MED27: variants seen among roughly 807,000 people sequenced by gnomAD.
MED27 encodes the protein mediator complex subunit 27, also known as mediator of RNA polymerase II transcription subunit 27.
MED27 carries 30 observed loss-of-function variants against 38.2 expected under a neutral mutation model. The observed-to-expected ratio is 0.79, with a 90% CI of 0.59 to 1.07. The LOEUF is 1.07. Among genes scored for constraint, MED27 ranks in the 50% least tolerant of loss-of-function variants. MED27 has a pLI of 0.00. For synonymous variants in MED27, 122 were observed against 153.5 expected (o/e 0.79, Z 1.52); for missense variants, 289 against 397.5 (o/e 0.73, Z 2.32).
intron 4 of MED27, among the ~76,000 whole-genome samples, chr9:131,935,160 G>A (rs555165512): frequency 6.6e-6 from 1 of 152,122 alleles, no homozygotes; most frequent in Non-Finnish European, 1.5e-5. Context: ...GTATTTGATA[G>A]CACAACAGGG....
chr9:131,930,605 G>A (rs1216132598), intron 4 of MED27, among the ~76,000 whole-genome samples: 1 of 152,090 alleles, frequency 6.6e-6, no homozygotes, highest in Admixed American at 6.5e-5. Context: ...TTTCCTATAA[G>A]GAATGCTAAA....
chr9:131,865,937 G>A (rs572131199), intron 6 of MED27, among the ~76,000 whole-genome samples: 25 of 152,332 alleles, frequency 1.6e-4, no homozygotes, highest in Admixed American at 1.6e-3. Context: ...ATCTCTGTGA[G>A]TGTGACCCTG....
At chr9:132,031,598 G>A (rs146771449) in intron 2 of MED27, among the ~76,000 whole-genome samples, 2 of 152,226 alleles carry the variant, frequency 1.3e-5, no homozygotes, top group Non-Finnish European at 2.9e-5. Flanking sequence ...TTGAGCCCAG[G>A]AGTTACAGTC....
intron 6 of MED27, among the ~76,000 whole-genome samples, chr9:131,875,863 G>A (rs1212425982): frequency 6.6e-6 from 1 of 152,170 alleles, no homozygotes; most frequent in African/African-American, 2.4e-5. Flanking sequence ...CTCTGCCTCG[G>A]CCTCCCAGAG....
intron 3 of MED27, among the ~76,000 whole-genome samples, chr9:131,957,081 G>C (rs887009770): frequency 6.6e-5 from 10 of 152,226 alleles, no homozygotes; most frequent in Non-Finnish European, 1.0e-4. Context: ...TTCGCTGCCG[G>C]TAGGAGTACA....
intron 5 of MED27, among the ~76,000 whole-genome samples, chr9:131,890,550 C>T (rs1038167509): frequency 1.3e-5 from 2 of 152,140 alleles, no homozygotes; most frequent in Admixed American, 1.3e-4. Context: ...CCTTTTAGTC[C>T]CCATTTCTCA....
chr9:132,030,571 C>T (rs888455765), intron 2 of MED27, among the ~76,000 whole-genome samples: 1 of 152,126 alleles, frequency 6.6e-6, no homozygotes, highest in African/African-American at 2.4e-5. Context: ...GACCCAGAGA[C>T]GTTATTACTC....
At chr9:131,972,272 A>G (rs372663615) in intron 3 of MED27, among the ~76,000 whole-genome samples, 76 of 152,288 alleles carry the variant, frequency 5.0e-4, no homozygotes, top group African/African-American at 1.7e-3. Context: ...CAAGTCCCCA[A>G]TACAAAATAG....
chr9:131,877,178 A>G lies in MED27; in HGVS notation c.723+6880T>C, dbSNP rs187388506. 1.7e-4 allele frequency among the ~76,000 whole-genome samples: 26 copies of G among 152,302 alleles called. No homozygotes were observed. The East Asian group carries it at 5.0e-3, about 29-fold the overall frequency. ...CTGAGGTCTTAGAACTTTTGTCACA[A>G]CCATGGCCTCTTCCAGGCCTTCATC... On this transcript the variant is annotated intron_variant, in intron 6 of 7. Transcript: ENST00000292035.
chr9:131,901,964 C>T (rs1239038862), intron 4 of MED27, among the ~76,000 whole-genome samples: 6 of 152,146 alleles, frequency 3.9e-5, no homozygotes, highest in Non-Finnish European at 2.9e-5. Context: ...CAGAAGCTGT[C>T]TCTTGCTGTT....
intron 2 of MED27, among the ~76,000 whole-genome samples, chr9:132,047,770 C>T (rs2131130955): frequency 6.6e-6 from 1 of 152,128 alleles, no homozygotes; most frequent in African/African-American, 2.4e-5. Flanking sequence ...TATATAATAA[C>T]ATTATCATAT....
chr9:131,959,548 A>C (rs1484273888), intron 3 of MED27, among the ~76,000 whole-genome samples: 1 of 152,204 alleles, frequency 6.6e-6, no homozygotes, highest in Non-Finnish European at 1.5e-5. Context: ...CAAATCACCC[A>C]GCCCTCTGGC....
intron 4 of MED27, among the ~76,000 whole-genome samples, chr9:131,918,505 T>C (rs1171559758): frequency 6.6e-6 from 1 of 152,218 alleles, no homozygotes; most frequent in Non-Finnish European, 1.5e-5. Flanking sequence ...AAATTAGTTC[T>C]AAGAAAAAAC....
intron 3 of MED27, among the ~76,000 whole-genome samples, chr9:131,985,188 T>A (rs1046789482): frequency 6.6e-6 from 1 of 152,216 alleles, no homozygotes; most frequent in Non-Finnish European, 1.5e-5. Context: ...TGCCTTTTGC[T>A]TTGCGGACTC....
intron 3 of MED27, among the ~76,000 whole-genome samples, chr9:131,980,113 A>T (rs1831697140): frequency 6.7e-6 from 1 of 150,252 alleles, no homozygotes; most frequent in Non-Finnish European, 1.5e-5. Flanking sequence ...GTGTGTGTGT[A>T]TATATGTGTG....
chr9:131,868,678 G>A (rs1838775916), intron 6 of MED27: 2 of 985,376 alleles, frequency 2.0e-6, no homozygotes, highest in Non-Finnish European at 2.4e-6. Flanking sequence ...CCGAACACTG[G>A]GAGGCCCAGG....
chr9:131,953,615 T>C (rs923915155), intron 3 of MED27, among the ~76,000 whole-genome samples: 1 of 151,962 alleles, frequency 6.6e-6, no homozygotes, highest in African/African-American at 2.4e-5. Context: ...TTTAAGAATA[T>C]TAAAAATACT....
chr9:132,052,637 T>C (rs562543866), intron 2 of MED27, among the ~76,000 whole-genome samples: 1 of 152,212 alleles, frequency 6.6e-6, no homozygotes, highest in South Asian at 2.1e-4. Context: ...TCGTCGCTGT[T>C]AGGCAATTTC....
chr9:131,903,586 A>G (rs1168369995), intron 4 of MED27, among the ~76,000 whole-genome samples: 1 of 152,208 alleles, frequency 6.6e-6, no homozygotes, highest in African/African-American at 2.4e-5. Flanking sequence ...GGCGGCCCAC[A>G]TGCACCTGGG....
Sources: allele counts gnomAD v4.1 joint callset (sites outside exome capture counted in the v4.1 genomes callset), GRCh38; gene constraint gnomAD v4.1.1; transcripts MANE v1.5; gene names NCBI Gene and HGNC (gene_info 2026-07-23, HGNC 2026-07-21).